ANKFN1: variants seen among roughly 807,000 people sequenced by gnomAD.
The protein encoded by ANKFN1 is ankyrin repeat and fibronectin type III domain containing 1, also known as ankyrin repeat and fibronectin type-III domain-containing protein 1.
A neutral mutation model predicts 108.7 loss-of-function variants in ANKFN1; 74 were observed. The observed-to-expected ratio is 0.68, with a 90% confidence interval of 0.56 to 0.83. The LOEUF (loss-of-function observed/expected upper bound fraction) is 0.83, where lower values mean the gene tolerates loss of function less well. Ranked by LOEUF, ANKFN1 falls within the 40% of genes least tolerant of loss-of-function variation. The pLI, the probability that ANKFN1 is intolerant of heterozygous loss-of-function variation, is 0.00. For synonymous variants in ANKFN1, 547 were observed against 516.2 expected, an observed-to-expected ratio of 1.06 and a Z score of -0.81; for missense variants, 1,505 against 1,382.3, an observed-to-expected ratio of 1.09 and a Z score of -1.41.
chr17:56,278,657 T>C (rs2043995602), intron 3 of ANKFN1, among the ~76,000 whole-genome samples: 1 of 152,252 alleles, frequency 6.6e-6, no homozygotes, highest in Admixed American at 6.5e-5. Flanking sequence ...TTTTAAGTTC[T>C]ATTTCAAAAA....
intron 8 of ANKFN1, among the ~76,000 whole-genome samples, chr17:56,382,064 C>A (rs1274191659): frequency 6.6e-6 from 1 of 152,116 alleles, no homozygotes; most frequent in Non-Finnish European, 1.5e-5. Context: ...CAAAGGGAAG[C>A]CCATCAGACT....
intron 1 of ANKFN1, among the ~76,000 whole-genome samples, chr17:56,202,488 C>T (rs762916953): frequency 2.0e-5 from 3 of 152,160 alleles, no homozygotes; most frequent in Admixed American, 6.5e-5. Context: ...CATTGCTAGC[C>T]TTCCAGTCTG....
At chr17:56,356,653 A>T (rs977304820) in intron 6 of ANKFN1, among the ~76,000 whole-genome samples, 2 of 152,124 alleles carry the variant, frequency 1.3e-5, no homozygotes, top group Non-Finnish European at 2.9e-5. Context: ...GTGGAACTGG[A>T]GGATTTGGAA....
intron 3 of ANKFN1, among the ~76,000 whole-genome samples, chr17:56,306,067 A>G (rs1029334398): frequency 1.3e-5 from 2 of 152,232 alleles, no homozygotes; most frequent in African/African-American, 4.8e-5. Flanking sequence ...GATACACAGT[A>G]ACTCTTGAAA....
At position 56,515,857 on chromosome 17, in the gene ANKFN1, A is replaced by G. The variant is rs2051901018; in HGVS notation, c.*4588A>G. Among the ~76,000 whole-genome samples, 1 of 152,138 alleles carries G rather than the reference A, an allele frequency of 6.6e-6. No individual in the cohort carries two copies. The highest frequency in any genetic ancestry group is 2.4e-5 in the African/African-American group (1 of 41,420). On this transcript the variant is annotated 3_prime_UTR_variant, in exon 21 of 21. Coordinates refer to ENST00000682825, the MANE Select transcript of ANKFN1 (RefSeq NM_001370326.1). ...CTTTGTAAAACAGTTATTCAAAAGGATGGTTGGCTTTGTTTAACAATTGGA... is the reference window on the plus strand; with the variant it reads ...CTTTGTAAAACAGTTATTCAAAAGGGTGGTTGGCTTTGTTTAACAATTGGA...
At chr17:56,151,432 G>A (rs1462208222), upstream of ANKFN1, among the ~76,000 whole-genome samples, 2 of 152,104 alleles carry the variant, frequency 1.3e-5, no homozygotes, top group Non-Finnish European at 2.9e-5. Flanking sequence ...TGCATTTTTT[G>A]GTAGTAGGTT....
chr17:56,138,210 A>C (rs1477337458), intron 4 of ANKFN1, among the ~76,000 whole-genome samples: 1 of 152,216 alleles, frequency 6.6e-6, no homozygotes, highest in Admixed American at 6.5e-5. Context: ...ACTGAAGATA[A>C]AAGGAAATGG....
intron 1 of ANKFN1, among the ~76,000 whole-genome samples, chr17:56,181,775 T>A (rs1196623688): frequency 6.6e-6 from 1 of 152,198 alleles, no homozygotes; most frequent in Non-Finnish European, 1.5e-5. Flanking sequence ...CTCATTTAAT[T>A]GTGCCTTGTT....
chr17:56,144,707 G>A (rs1908148301), intron 4 of ANKFN1, among the ~76,000 whole-genome samples: 3 of 152,174 alleles, frequency 2.0e-5, no homozygotes, highest in Admixed American at 1.3e-4. Flanking sequence ...TTCAGCCCAG[G>A]TGGGAAACTT....
At chr17:56,505,554 T>G (rs1198550961) in intron 20 of ANKFN1, among the ~76,000 whole-genome samples, 1 of 152,224 alleles carries the variant, frequency 6.6e-6, no homozygotes, top group Non-Finnish European at 1.5e-5. Flanking sequence ...TATTCAATAT[T>G]TACTAAGCAG....
At chr17:56,451,412 A>G (rs2049482285) in intron 11 of ANKFN1, among the ~76,000 whole-genome samples, 1 of 152,216 alleles carries the variant, frequency 6.6e-6, no homozygotes, top group East Asian at 1.9e-4. Flanking sequence ...AGAAGGATAA[A>G]TGAAGAATAA....
At chr17:56,308,129 C>G (rs2044891914) in intron 3 of ANKFN1, among the ~76,000 whole-genome samples, 1 of 151,744 alleles carries the variant, frequency 6.6e-6, no homozygotes, top group South Asian at 2.1e-4. Context: ...GGAGATATAC[C>G]TAATGTTAAA....
chr17:56,384,231 G>A lies in ANKFN1; in HGVS notation c.910+9517G>A, dbSNP rs528077350. Among the ~76,000 whole-genome samples, 5 of 152,228 alleles carry A rather than the reference G, an allele frequency of 3.3e-5. No individual in the cohort carries two copies. In the South Asian group the frequency reaches 6.2e-4, roughly 19 times the overall value. On this transcript the variant is annotated intron_variant, in intron 8 of 20. Coordinates refer to ENST00000682825, the MANE Select transcript of ANKFN1 (RefSeq NM_001370326.1). ...AAACAGAACCAAAGACGAAAACCAC[G>A]TGATTATCTCAATAGATGCAGAACA... is the stretch of plus-strand genomic sequence containing the variant.
chr17:56,277,672 T>G (rs16957036), intron 3 of ANKFN1, among the ~76,000 whole-genome samples: 3,716 of 152,280 alleles, frequency 0.024, 68 homozygotes, highest in African/African-American at 0.05. Flanking sequence ...AACTCCATAT[T>G]AGCCATAGTG....
At position 56,440,234 on chromosome 17, in the gene ANKFN1, A is replaced by T. The variant is rs991031519; in HGVS notation, c.911-93A>T. 18 of 635,822 alleles carry T rather than the reference A, an allele frequency of 2.8e-5. No individual in the cohort carries two copies. In the East Asian group the frequency reaches 5.1e-4, roughly 18 times the overall value. The allele number at this position is 635,822 out of a possible 1,614,324, so 39.4% of individuals were successfully genotyped here. On this transcript the variant is annotated intron_variant, in intron 8 of 20. Transcript: ENST00000682825. ...GTGCACTTAACTCTTTCTGAGAGGG[A>T]TTGTATGCTAGAGTTTCTATGGTAC...
intron 3 of ANKFN1, chr17:56,258,056 GT>G (rs2043403971): frequency 6.6e-6 from 1 of 152,204 alleles, no homozygotes; most frequent in Non-Finnish European, 1.5e-5. Flanking sequence ...TCTCTTGGAG[GT>G]TTTCAATTTC....
intron 8 of ANKFN1, among the ~76,000 whole-genome samples, chr17:56,412,895 A>G (rs1352584435): frequency 1.3e-5 from 2 of 152,164 alleles, no homozygotes; most frequent in Non-Finnish European, 2.9e-5. Context: ...GAACCCTGAC[A>G]GTGTCTTTAC....
chr17:56,047,555 G>A (rs552507459), intron 4 of ANKFN1, among the ~76,000 whole-genome samples: 1 of 152,268 alleles, frequency 6.6e-6, no homozygotes, highest in Admixed American at 6.5e-5. Flanking sequence ...CTCCCAAGTT[G>A]CTATGGGACA....
intron 8 of ANKFN1, among the ~76,000 whole-genome samples, chr17:56,379,910 G>A (rs140533999): frequency 6.6e-6 from 1 of 152,282 alleles, no homozygotes; most frequent in East Asian, 1.9e-4. Flanking sequence ...TAATTTTACA[G>A]CATATTTTAA....
Sources: allele counts gnomAD v4.1 joint callset (sites outside exome capture counted in the v4.1 genomes callset), GRCh38; gene constraint gnomAD v4.1.1; transcripts MANE v1.5; gene names NCBI Gene and HGNC (gene_info 2026-07-23, HGNC 2026-07-21).